Variants in SPTBN4 observed in about 807,000 individuals in gnomAD.
SPTBN4 encodes the protein spectrin beta, non-erythrocytic 4, also known as spectrin beta chain, non-erythrocytic 4.
In SPTBN4, 96 loss-of-function variants were observed where a neutral mutation model predicts 277.8. The ratio of observed to expected loss-of-function variants is 0.35; its 90% CI spans 0.29 to 0.41. The LOEUF (loss-of-function observed/expected upper bound fraction) is 0.41, where lower values mean the gene tolerates loss of function less well. Ranked by LOEUF, SPTBN4 falls within the 10% of genes least tolerant of loss-of-function variation. SPTBN4 has a pLI of 1.00. For synonymous variants in SPTBN4, 1,481 were observed against 1,580.3 expected, an observed-to-expected ratio of 0.94 and a Z score of 1.49; for missense variants, 3,006 against 3,595.7, an observed-to-expected ratio of 0.84 and a Z score of 4.19.
In SPTBN4 at chr19:40,556,180, C is replaced by T. The variant is rs2080976896; in HGVS notation, c.5181C>T (p.Tyr1727=). ...EERRVALEQQ[Y]WLYQLSRQVS... Reference sequence around the variant, plus strand: ...GCCGGGTGGCTCTGGAACAGCAGTACTGGCTGTACCAGCTCAGCCGCCAGG... The same window carrying T: ...GCCGGGTGGCTCTGGAACAGCAGTATTGGCTGTACCAGCTCAGCCGCCAGG... The change falls in exon 25 of 36, where the codon TAC becomes TAT. Residue 1727 remains tyrosine (Y), a synonymous_variant. Transcript: ENST00000598249. 3 of 1,613,580 alleles carry T rather than the reference C, an allele frequency of 1.9e-6. No individual in the cohort carries two copies. The highest frequency in any genetic ancestry group is 2.5e-6 in the Non-Finnish European group (3 of 1,180,014).
chr19:40,495,658 A>C (rs1021338198), intron 6 of SPTBN4, among the ~76,000 whole-genome samples: 3 of 151,462 alleles, frequency 2.0e-5, no homozygotes, highest in African/African-American at 7.3e-5. Flanking sequence ...TAACCCCCCC[A>C]CCACCACCAA....
chr19:40,559,155 C>A (rs1347609948), intron 26 of SPTBN4, among the ~76,000 whole-genome samples: 1 of 151,972 alleles, frequency 6.6e-6, no homozygotes, highest in Admixed American at 6.6e-5. Context: ...ATCTTGAACT[C>A]CTGACCTCAA....
chr19:40,482,732 C>T (rs937182887), intron 2 of SPTBN4, among the ~76,000 whole-genome samples: 4 of 152,176 alleles, frequency 2.6e-5, no homozygotes, highest in East Asian at 3.9e-4. Flanking sequence ...GAGGCTGAGG[C>T]GGGCGGATCA....
chr19:40,560,050 A>C lies in SPTBN4; in HGVS notation c.5671-109A>C, dbSNP rs1311183025. On this transcript the variant is annotated intron_variant, in intron 26 of 35. Coordinates refer to ENST00000598249, the MANE Select transcript of SPTBN4 (RefSeq NM_020971.3). The surrounding 1 kb of genome is among the most constrained non-coding windows in gnomAD (Gnocchi z 5.2). ...GACAGGAGCCTGGCTGTGGGATCAC[A>C]GTGTGAGGCTCCTTATATCTTGAGG... is the stretch of plus-strand genomic sequence containing the variant. The C allele has an allele frequency of 7.0e-7, 1 of 1,437,984 alleles. No individual in the cohort carries two copies. Among genetic ancestry groups the C allele is most frequent in the African/African-American group, 1.4e-5 (1 of 70,150 alleles). 89.1% of individuals were successfully genotyped at this position (1,437,984 alleles called of 1,614,324 possible).
intron 35 of SPTBN4, among the ~76,000 whole-genome samples, chr19:40,574,769 C>A (rs539175930): frequency 1.3e-5 from 2 of 152,056 alleles, no homozygotes; most frequent in Non-Finnish European, 2.9e-5. Flanking sequence ...AATTCCAGCA[C>A]TTTGGGAGGC....
intron 2 of SPTBN4, among the ~76,000 whole-genome samples, chr19:40,473,442 C>G (rs528459083): frequency 2.1e-4 from 31 of 149,900 alleles, no homozygotes; most frequent in African/African-American, 7.4e-4. Context: ...ACCGCAACCT[C>G]CACCTCCCAG....
Position 40,506,228 on chromosome 19 carries a change from G to A in SPTBN4, c.1666-8G>A, listed in dbSNP as rs199969159. 1.3e-3 allele frequency: 2,161 copies of A among 1,607,844 alleles called. 3 individuals are homozygous for A. The highest frequency in any genetic ancestry group is 1.5e-3 in the Non-Finnish European group (1,809 of 1,176,528). On this transcript the variant is annotated splice_polypyrimidine_tract_variant and splice_region_variant and intron_variant, in intron 12 of 35. Transcript: ENST00000598249. ...CAGAGGTGTGCTCAGTGCTGTCCCC[G>A]CTTGTAGGCTCAGCTGCTGTCCCGG...
At position 40,472,193 on chromosome 19, in the gene SPTBN4, G is replaced by A. The variant is rs139447718; in HGVS notation, c.-15-414G>A. On this transcript the variant is annotated intron_variant, in intron 1 of 35. Coordinates refer to ENST00000598249, the MANE Select transcript of SPTBN4 (RefSeq NM_020971.3). ...CAAAGTGCTGGGATTATAGGTGTGA[G>A]CCACCGTGCCTGGCCAATTTTTGTA... Among the ~76,000 whole-genome samples, 41 of 152,110 alleles carry A rather than the reference G, an allele frequency of 2.7e-4. No homozygotes were observed. In the East Asian group the frequency reaches 7.7e-3, roughly 29 times the overall value.
chr19:40,560,906 C>T lies in SPTBN4; in HGVS notation c.5915+503C>T, dbSNP rs2081036135. ...CACATGCTGGACCCTCTGCATCCCGCTGCAGATGGGAAAAGATAGCAGGAG... is the reference window on the plus strand; with the variant it reads ...CACATGCTGGACCCTCTGCATCCCGTTGCAGATGGGAAAAGATAGCAGGAG... On this transcript the variant is annotated intron_variant, in intron 27 of 35. Coordinates refer to ENST00000598249, the MANE Select transcript of SPTBN4 (RefSeq NM_020971.3). This position sits in a 1 kb window ranked among gnomAD's most constrained non-coding sequence, Gnocchi z 5.2. Among the ~76,000 whole-genome samples the T allele has an allele frequency of 6.7e-6, 1 of 149,196 alleles. No homozygotes were observed. Among genetic ancestry groups the T allele is most frequent in the South Asian group, 2.1e-4 (1 of 4,714 alleles).
chr19:40,566,385 T>TACCCCC (rs1227885473), intron 30 of SPTBN4, 26 bp downstream of exon 30: 6 of 1,486,436 alleles, frequency 4.0e-6, no homozygotes, highest in African/African-American at 1.4e-5. Flanking sequence ...ACTGCCCCAT[T>TACCCCC]ACCCCCACCC....
At chr19:40,472,494 G>T in intron 1 of SPTBN4, 113 bp from the exon 2 acceptor site, 1 of 958,042 alleles carries the variant, frequency 1.0e-6, no homozygotes, top group Non-Finnish European at 1.5e-6. Context: ...TTGTTATTAT[G>T]TCCACTTTAA....
At chr19:40,547,936 C>T (rs2145921459) in intron 20 of SPTBN4, among the ~76,000 whole-genome samples, 1 of 152,262 alleles carries the variant, frequency 6.6e-6, no homozygotes, top group East Asian at 1.9e-4. Flanking sequence ...CTTTTAGTGC[C>T]TTATGGATTT....
chr19:40,525,466 T>C (rs1181219770), intron 17 of SPTBN4, among the ~76,000 whole-genome samples: 1 of 151,766 alleles, frequency 6.6e-6, no homozygotes, highest in Non-Finnish European at 1.5e-5. Flanking sequence ...GGACTATAGG[T>C]GTGAGCCACT....
chr19:40,515,314 C>A lies in SPTBN4; in HGVS notation c.2769C>A (p.Phe923Leu), dbSNP rs774512968. The stretch of plus-strand genomic sequence containing the variant: ...GAGCATCTCCATCCTCCTGCAGATT[C>A]GAGAGCCTGGACCAAGAGATGAACA... ...LDDVEVVQHR[F>L]ESLDQEMNSL... is the part of the protein sequence containing the mutation. The change falls in exon 15 of 36, where the codon TTC (phenylalanine) becomes TTA (leucine). Residue 923 changes from phenylalanine to leucine, a missense_variant. Transcript: ENST00000598249. This position sits in a 1 kb window ranked among gnomAD's most constrained non-coding sequence, Gnocchi z 4.1. The A allele has an allele frequency of 6.2e-7, 1 of 1,612,454 alleles. No individual in the cohort carries two copies. Among genetic ancestry groups the A allele is most frequent in the Non-Finnish European group, 8.5e-7 (1 of 1,179,470 alleles).
intron 2 of SPTBN4, among the ~76,000 whole-genome samples, chr19:40,478,555 A>AT (rs903612787): frequency 4.6e-5 from 7 of 151,554 alleles, no homozygotes; most frequent in African/African-American, 1.2e-4. Flanking sequence ...ATTTTATTTT[A>AT]TTTTTTTTGA....
rs1180618490 is a variant in SPTBN4, at chr19:40,519,968, G to A, written c.3471G>A (p.Leu1157=). 1 of 1,539,596 alleles carries A rather than the reference G, an allele frequency of 6.5e-7. No individual in the cohort carries two copies. The highest frequency in any genetic ancestry group is 8.7e-7 in the Non-Finnish European group (1 of 1,150,538). The change falls in exon 16 of 36, where the codon CTG becomes CTA. Residue 1157 remains leucine, a synonymous_variant. Coordinates refer to ENST00000598249, the MANE Select transcript of SPTBN4 (RefSeq NM_020971.3). The surrounding 1 kb of genome is among the most constrained non-coding windows in gnomAD (Gnocchi z 5.7). ...TCGTGGCGGCCAGCGAGGCGCTGCT[G>A]GCCGCCGACGGCGCAGAGCTGGGCC... ...ARIVAASEAL[L]AADGAELGPG...
At position 40,572,108 on chromosome 19, in the gene SPTBN4, G is replaced by T; in HGVS notation, c.7409G>T (p.Gly2470Val). 6.2e-7 allele frequency: 1 copy of T among 1,613,094 alleles called. No homozygotes were observed. Among genetic ancestry groups the T allele is most frequent in the Non-Finnish European group, 8.5e-7 (1 of 1,179,572 alleles). The change falls in exon 34 of 36, where the codon GGT becomes GTT. Residue 2470 changes from glycine to valine, a missense_variant. Gly to Val is a moderately radical substitution (Grantham distance 109). This residue lies in a region of SPTBN4 where 630 missense variants were observed against 677.6 expected (regional missense o/e 0.93). Coordinates refer to ENST00000598249, the MANE Select transcript of SPTBN4 (RefSeq NM_020971.3). ...GGCCCGGCATCCGGGAGCACACACG[G>T]TGGGGAACCGCTGCTCAGCCTGCAC... ...SKGPASGSTHGGEPLLSLHKA... is the reference protein window; with the variant it reads ...SKGPASGSTHVGEPLLSLHKA...
At chr19:40,509,472 T>C (rs1410396402) in intron 13 of SPTBN4, among the ~76,000 whole-genome samples, 2 of 152,158 alleles carry the variant, frequency 1.3e-5, no homozygotes, top group Admixed American at 1.3e-4. Flanking sequence ...CTCAAACTCT[T>C]GACCTCAGGT....
chr19:40,510,122 G>A (rs1451825150), intron 13 of SPTBN4, among the ~76,000 whole-genome samples: 1 of 152,118 alleles, frequency 6.6e-6, no homozygotes, highest in African/African-American at 2.4e-5. Context: ...GGTCCAGAGT[G>A]TGAGCTCCTG....
Sources: allele counts gnomAD v4.1 joint callset (sites outside exome capture counted in the v4.1 genomes callset), GRCh38; gene constraint gnomAD v4.1.1; regional missense constraint gnomAD v4.1.1; non-coding constraint Gnocchi (gnomAD v3.1); transcripts MANE v1.5; gene names NCBI Gene and HGNC (gene_info 2026-07-23, HGNC 2026-07-21).